Variants in CDX2 observed in about 807,000 individuals in gnomAD.
CDX2 encodes the protein caudal type homeobox 2.
A neutral mutation model predicts 25.5 loss-of-function variants in CDX2; 7 were observed. The observed-to-expected ratio is 0.27, with a 90% CI of 0.16 to 0.52. The LOEUF is 0.52. CDX2 is among the 20% of genes least tolerant of loss of function. CDX2 has a pLI of 0.97. For missense variants in CDX2, 375 were observed against 431.4 expected (o/e 0.87, Z 1.16); for synonymous variants, 222 against 198.6 (o/e 1.12, Z -0.99).
At chr13:27,968,129 C>G (rs1306639791) in intron 1 of CDX2, among the ~76,000 whole-genome samples, 1 of 152,258 alleles carries the variant, frequency 6.6e-6, no homozygotes, top group East Asian at 1.9e-4. Context: ...CAGCAAGTGC[C>G]GGAGGACGCG....
chr13:27,961,875 T>C lies in CDX2; in HGVS notation c.*1240A>G, dbSNP rs1869068014. Among the ~76,000 whole-genome samples, 1 of 151,406 alleles carries C rather than the reference T, an allele frequency of 6.6e-6. No individual in the cohort carries two copies. The highest frequency in any genetic ancestry group is 1.5e-5 in the Non-Finnish European group (1 of 67,814). On this transcript the variant is annotated 3_prime_UTR_variant, in exon 3 of 3. Transcript: ENST00000381020. ...TAATTTCTGACTGCTGGGAAGCACC[T>C]GGCCATTCAGATGTGCATTTTGCCC... is the stretch of plus-strand genomic sequence containing the variant.
In CDX2 at chr13:27,961,557, G is replaced by C. The variant is rs1432328116; in HGVS notation, c.*1558C>G. Reference sequence around the variant, plus strand: ...TGTTTGTGGGGTGATTGGGTTGGAAGGGGGGGCGCGGTCGGGGATAAGGAA... The same window carrying C: ...TGTTTGTGGGGTGATTGGGTTGGAACGGGGGGCGCGGTCGGGGATAAGGAA... On this transcript the variant is annotated 3_prime_UTR_variant, in exon 3 of 3. Coordinates refer to ENST00000381020, the MANE Select transcript of CDX2 (RefSeq NM_001265.6). Among the ~76,000 whole-genome samples, 5 of 151,060 alleles carry C rather than the reference G, an allele frequency of 3.3e-5. No homozygotes were observed. The East Asian group carries it at 7.7e-4, about 23-fold the overall frequency.
In CDX2 at chr13:27,961,597, G is replaced by C. The variant is rs966071659; in HGVS notation, c.*1518C>G. Among the ~76,000 whole-genome samples the C allele has an allele frequency of 1.3e-5, 2 of 152,218 alleles. No homozygotes were observed. The highest frequency in any genetic ancestry group is 2.9e-5 in the Non-Finnish European group (2 of 68,036). On this transcript the variant is annotated 3_prime_UTR_variant, in exon 3 of 3. Coordinates refer to ENST00000381020, the MANE Select transcript of CDX2 (RefSeq NM_001265.6). ...GGGATAAGGAAACTGCAAAGACAGA[G>C]AAGAGAGTGGAGGCAGAAAGGGCTC...
In CDX2 at chr13:27,962,066, G is replaced by A; in HGVS notation, c.*1049C>T. ...AATTTTCCAAATCAGCTTGCAAGCA[G>A]AGAAGATATTTCATTTCTTTAAAAA... On this transcript the variant is annotated 3_prime_UTR_variant, in exon 3 of 3. Coordinates refer to ENST00000381020, the MANE Select transcript of CDX2 (RefSeq NM_001265.6). 3 of 230,054 alleles carry A rather than the reference G, an allele frequency of 1.3e-5. No individual in the cohort carries two copies. Among genetic ancestry groups the A allele is most frequent in the Non-Finnish European group, 1.7e-5 (2 of 116,104 alleles). 14.3% of individuals were successfully genotyped at this position (230,054 alleles called of 1,614,324 possible).
intron 1 of CDX2, among the ~76,000 whole-genome samples, chr13:27,966,388 C>G (rs926466392): frequency 3.3e-5 from 5 of 152,382 alleles, no homozygotes; most frequent in African/African-American, 9.6e-5. Flanking sequence ...CCGCCTCAAA[C>G]CCACTCCAGG....
Position 27,961,524 on chromosome 13 carries a change from A to G in CDX2, c.*1591T>C, listed in dbSNP as rs1387554568. Among the ~76,000 whole-genome samples the G allele has an allele frequency of 6.6e-6, 1 of 152,132 alleles. No individual in the cohort carries two copies. Among genetic ancestry groups the G allele is most frequent in the Admixed American group, 6.5e-5 (1 of 15,270 alleles). ...AAAAGGATCATTTTATACTGGGTCT[A>G]GAAATCTTGTTTGTGGGGTGATTGG... is the stretch of plus-strand genomic sequence containing the variant. On this transcript the variant is annotated 3_prime_UTR_variant, in exon 3 of 3. Coordinates refer to ENST00000381020, the MANE Select transcript of CDX2 (RefSeq NM_001265.6).
rs753689670 is a variant in CDX2 at position 27,964,948 on chromosome 13, C to T, written c.609G>A (p.Lys203=). The T allele has an allele frequency of 6.2e-7, 1 of 1,614,162 alleles. No homozygotes were observed. Among genetic ancestry groups the T allele is most frequent in the South Asian group, 1.1e-5 (1 of 91,076 alleles). Residue 203 remains lysine, a synonymous_variant, in exon 2 of 3, where the codon AAG becomes AAA. Transcript: ENST00000381020. The surrounding 1 kb of genome is among the most constrained non-coding windows in gnomAD (Gnocchi z 4.7). The part of the protein sequence containing the change: ...YTDHQRLELE[K]EFHYSRYITI... Reference sequence around the variant, plus strand: ...TGATGTAGCGACTGTAGTGAAACTCCTTCTCCAGCTCCAGCCGCTGGTGGT... The same window carrying T: ...TGATGTAGCGACTGTAGTGAAACTCTTTCTCCAGCTCCAGCCGCTGGTGGT...
chr13:27,963,884 T>C lies in CDX2; in HGVS notation c.688-515A>G, dbSNP rs539839991. On this transcript the variant is annotated intron_variant, in intron 2 of 2. Transcript: ENST00000381020. ...GAACCAAGTCTTGTCCCTCTAGTTTTTGTGAGAGACTGAGTACTTTATTCA... is the reference window on the plus strand; with the variant it reads ...GAACCAAGTCTTGTCCCTCTAGTTTCTGTGAGAGACTGAGTACTTTATTCA... 4.6e-5 allele frequency among the ~76,000 whole-genome samples: 7 copies of C among 152,348 alleles called. No homozygotes were observed. The South Asian group carries it at 1.2e-3, about 27-fold the overall frequency.
At position 27,962,991 on chromosome 13, in the gene CDX2, G is replaced by C. The variant is rs1869128590; in HGVS notation, c.*124C>G. ...CTCCTGGCTCCCATTTTTCCTCTGAGAGCCAGGTCTGTAGGTCTATGGCTG... is the reference window on the plus strand; with the variant it reads ...CTCCTGGCTCCCATTTTTCCTCTGACAGCCAGGTCTGTAGGTCTATGGCTG... On this transcript the variant is annotated 3_prime_UTR_variant, in exon 3 of 3. Transcript: ENST00000381020. The C allele has an allele frequency of 4.1e-6, 5 of 1,213,464 alleles. No individual in the cohort carries two copies. The highest frequency in any genetic ancestry group is 4.3e-6 in the Non-Finnish European group (4 of 929,602). The allele number at this position is 1,213,464 out of a possible 1,614,324, so 75.2% of individuals were successfully genotyped here. A position where few individuals can be genotyped will look rare whatever the true frequency, so the allele number is the denominator to read the frequency against.
rs766524143 is a variant in CDX2, at chr13:27,966,281, G to T, written c.542-1266C>A. ...TTAACATAAACACGACCCTGCAGGC[G>T]CATTTGAATGGGGCTGCGGCCCCGA... On this transcript the variant is annotated intron_variant, in intron 1 of 2. Coordinates refer to ENST00000381020, the MANE Select transcript of CDX2 (RefSeq NM_001265.6). 3.0e-4 allele frequency among the ~76,000 whole-genome samples: 46 copies of T among 152,346 alleles called. 1 individual carries two copies. The highest frequency in any genetic ancestry group is 3.4e-3 in the Middle Eastern group (1 of 294).
At position 27,964,790 on chromosome 13, in the gene CDX2, G is replaced by A. The variant is rs968143061; in HGVS notation, c.687+80C>T. Reference sequence around the variant, plus strand: ...TTCAGTCTCTCCACAGATTTAGATGGCCCCTGCAGCCAGATTTTCTAACTC... The same window carrying A: ...TTCAGTCTCTCCACAGATTTAGATGACCCCTGCAGCCAGATTTTCTAACTC... On this transcript the variant is annotated intron_variant, in intron 2 of 2. Transcript: ENST00000381020. This position sits in a 1 kb window ranked among gnomAD's most constrained non-coding sequence, Gnocchi z 4.7. The A allele has an allele frequency of 7.5e-6, 10 of 1,327,060 alleles. No individual in the cohort carries two copies. In the African/African-American group the frequency reaches 1.4e-4, roughly 19 times the overall value. The allele number at this position is 1,327,060 out of a possible 1,614,324, so 82.2% of individuals were successfully genotyped here.
chr13:27,961,457 C>T lies in CDX2; in HGVS notation c.*1658G>A, dbSNP rs915748638. On this transcript the variant is annotated 3_prime_UTR_variant, in exon 3 of 3. Transcript: ENST00000381020. The stretch of plus-strand genomic sequence containing the variant: ...GATCAAAAATTTTAAAGGCTGCAGC[C>T]CGGTCCCCAGTGGATCGGCCAGATA... 6.6e-6 allele frequency among the ~76,000 whole-genome samples: 1 copy of T among 152,118 alleles called. No homozygotes were observed. The highest frequency in any genetic ancestry group is 1.5e-5 in the Non-Finnish European group (1 of 68,016).
rs753078414 is a variant in CDX2, at chr13:27,968,907, G to A, written c.100C>T (p.Pro34Ser). 6.2e-7 allele frequency: 1 copy of A among 1,608,394 alleles called. No individual in the cohort carries two copies. The highest frequency in any genetic ancestry group is 8.5e-7 in the Non-Finnish European group (1 of 1,178,600). ...CCGCCGTAGTCCGGGTACTGCGGGG[G>A]GCTGACGAAGTTCTGCGGCGCCAGG... ...LNLAPQNFVS[P>S]PQYPDYGGYH... is the part of the protein sequence containing the mutation. The change falls in exon 1 of 3, where the codon CCC becomes TCC. Residue 34 changes from proline (P) to serine (S), a missense_variant. This residue lies in a region of CDX2 where 253 missense variants were observed against 247.5 expected (regional missense o/e 1.02). Transcript: ENST00000381020.
chr13:27,969,052 C>T lies in CDX2; in HGVS notation c.-46G>A. On this transcript the variant is annotated 5_prime_UTR_variant, in exon 1 of 3. Coordinates refer to ENST00000381020, the MANE Select transcript of CDX2 (RefSeq NM_001265.6). Reference sequence around the variant, plus strand: ...AGACCTCACCATGCTGCCTGGGGACCGACGCTGGAGGCTGCCGGGGGGCAC... The same window carrying T: ...AGACCTCACCATGCTGCCTGGGGACTGACGCTGGAGGCTGCCGGGGGGCAC... 6.7e-7 allele frequency: 1 copy of T among 1,489,210 alleles called. No homozygotes were observed. Among genetic ancestry groups the T allele is most frequent in the Non-Finnish European group, 9.1e-7 (1 of 1,094,538 alleles). The allele number at this position is 1,489,210 out of a possible 1,614,324, so 92.2% of individuals were successfully genotyped here.
At chr13:27,967,711 A>T (rs1253605623) in intron 1 of CDX2, among the ~76,000 whole-genome samples, 1 of 152,218 alleles carries the variant, frequency 6.6e-6, no homozygotes, top group Non-Finnish European at 1.5e-5. Flanking sequence ...CGGCGGCTTA[A>T]TTCCCACCAG....
rs1869154306 is a variant in CDX2 at position 27,963,248 on chromosome 13, G to A, written c.809C>T (p.Pro270Leu). 1 of 1,614,068 alleles carries A rather than the reference G, an allele frequency of 6.2e-7. No homozygotes were observed. The highest frequency in any genetic ancestry group is 8.5e-7 in the Non-Finnish European group (1 of 1,180,026). Reference protein sequence around the residue: ...PPPPPPQPPQPQPGPLRSVPE... With the variant: ...PPPPPPQPPQLQPGPLRSVPE... ...GACACTTCTCAGAGGACCTGGCTGA[G>A]GCTGGGGAGGCTGTGGTGGCGGCGG... is the stretch of plus-strand genomic sequence containing the variant. Residue 270 changes from proline to leucine, a missense_variant, in exon 3 of 3, where the codon CCT (proline) becomes CTT (leucine). By Grantham distance (98) the Pro-to-Leu change is moderately conservative. Coordinates refer to ENST00000381020, the MANE Select transcript of CDX2 (RefSeq NM_001265.6).
intron 1 of CDX2, among the ~76,000 whole-genome samples, chr13:27,967,099 C>G (rs1650790884): frequency 6.6e-6 from 1 of 152,214 alleles, no homozygotes; most frequent in Non-Finnish European, 1.5e-5. Context: ...TCCCGGGACA[C>G]GCAAAGGTCT....
In CDX2 at chr13:27,961,164, C is replaced by G. The variant is rs1426989860; in HGVS notation, c.*1951G>C. The stretch of plus-strand genomic sequence containing the variant: ...CGCACTCCTCCCTCTGGCTTCGAGG[C>G]CAGGCGCCCGCGGGCCGGGCCACCG... On this transcript the variant is annotated 3_prime_UTR_variant, in exon 3 of 3. Transcript: ENST00000381020. Among the ~76,000 whole-genome samples, 1 of 152,202 alleles carries G rather than the reference C, an allele frequency of 6.6e-6. No individual in the cohort carries two copies. The highest frequency in any genetic ancestry group is 1.5e-5 in the Non-Finnish European group (1 of 68,030).
rs200476176 is a variant in CDX2 at position 27,963,067 on chromosome 13, C to T, written c.*48G>A. ...TGAGGAGTCTAGCAGAGTCCACGCT[C>T]CTCATGGCTCAGCCTGGAATTGCTC... is the stretch of plus-strand genomic sequence containing the variant. On this transcript the variant is annotated 3_prime_UTR_variant, in exon 3 of 3. Coordinates refer to ENST00000381020, the MANE Select transcript of CDX2 (RefSeq NM_001265.6). The T allele has an allele frequency of 1.3e-5, 21 of 1,573,392 alleles. 1 individual carries two copies. The highest frequency in any genetic ancestry group is 1.6e-5 in the Non-Finnish European group (19 of 1,158,846).
Sources: gnomAD v4.1 joint callset for allele counts (sites outside exome capture counted in the v4.1 genomes callset) on GRCh38, gnomAD v4.1.1 for gene constraint, gnomAD v4.1.1 regional missense constraint, Gnocchi (gnomAD v3.1) non-coding constraint, MANE v1.5 for transcripts, NCBI Gene and HGNC (gene_info 2026-07-23, HGNC 2026-07-21) for gene names.